Variants in HEATR3 observed in about 807,000 individuals in gnomAD.
HEATR3 encodes the protein HEAT repeat-containing protein 3.
HEATR3 carries 56 observed loss-of-function variants against 72.8 expected under a neutral mutation model. The ratio of observed to expected loss-of-function variants is 0.77; its 90% CI spans 0.62 to 0.96. The LOEUF is 0.96. HEATR3 is among the 40% of genes least tolerant of loss of function. HEATR3 has a pLI of 0.00. For synonymous variants in HEATR3, 331 were observed against 318.1 expected (o/e 1.04, Z -0.43); for missense variants, 747 against 831.4 (o/e 0.90, Z 1.25).
At chr16:50,084,113 C>G in intron 8 of HEATR3, 21 bp from the exon 9 acceptor site, 1 of 1,614,036 alleles carries the variant, frequency 6.2e-7, no homozygotes, top group Non-Finnish European at 8.5e-7. Context: ...TCCAGTTCTG[C>G]GTGGTTTGCC....
chr16:50,095,347 T>C (rs891993002), intron 12 of HEATR3, among the ~76,000 whole-genome samples: 4 of 151,522 alleles, frequency 2.6e-5, no homozygotes, highest in African/African-American at 9.7e-5. Context: ...CCTCAAGTGA[T>C]CCACCCACCT....
rs1200681465 is a variant in HEATR3 at position 50,092,429 on chromosome 16, C to CTTTTTTCT, written c.1511-2269_1511-2262dup. On this transcript the variant is annotated intron_variant, in intron 11 of 14. Coordinates refer to ENST00000299192, the MANE Select transcript of HEATR3 (RefSeq NM_182922.4). ...TCTTCCAGGTCATTCTTTTTTTTTT[C>CTTTTTTCT]TTTTTTCTTTTTTTTTTTTTTTTCC... Among the ~76,000 whole-genome samples, 176 of 29,798 alleles carry CTTTTTTCT rather than the reference C, an allele frequency of 5.9e-3. 5 individuals are homozygous for CTTTTTTCT. Among genetic ancestry groups the CTTTTTTCT allele is most frequent in the African/African-American group, 0.014 (169 of 12,202 alleles). The allele number at this position is 29,798 out of a possible 152,430, so 19.5% of individuals were successfully genotyped here.
At position 50,066,189 on chromosome 16, in the gene HEATR3, T is replaced by A; in HGVS notation, c.58T>A (p.Cys20Ser). ...ACCTCAGTTCTCCCCTACGGGCGACTGTCAGGCCGAGGCGGCTGCGGCGGC... is the reference window on the plus strand; with the variant it reads ...ACCTCAGTTCTCCCCTACGGGCGACAGTCAGGCCGAGGCGGCTGCGGCGGC... ...KRPQFSPTGD[C>S]QAEAAAAANG... The change falls in exon 1 of 15, where the codon TGT becomes AGT. Residue 20 changes from cysteine (C) to serine (S), a missense_variant. Transcript: ENST00000299192. The A allele has an allele frequency of 6.3e-7, 1 of 1,590,964 alleles. No individual in the cohort carries two copies. Among genetic ancestry groups the A allele is most frequent in the Non-Finnish European group, 8.5e-7 (1 of 1,170,214 alleles).
intron 6 of HEATR3, among the ~76,000 whole-genome samples, chr16:50,078,102 C>A (rs2036780542): frequency 6.6e-6 from 1 of 152,040 alleles, no homozygotes; most frequent in African/African-American, 2.4e-5. Context: ...GTCTCGAACT[C>A]CTGACCTCGA....
At chr16:50,097,471 C>CT (rs1262978954) in intron 12 of HEATR3, among the ~76,000 whole-genome samples, 1 of 149,464 alleles carries the variant, frequency 6.7e-6, no homozygotes, top group Non-Finnish European at 1.5e-5. Flanking sequence ...TATAGTCATG[C>CT]TTTTTGCTGC....
At position 50,094,755 on chromosome 16, in the gene HEATR3, G is replaced by A. The variant is rs1199261858; in HGVS notation, c.1561G>A (p.Ala521Thr). The A allele has an allele frequency of 6.3e-7, 1 of 1,594,728 alleles. No individual in the cohort carries two copies. Among genetic ancestry groups the A allele is most frequent in the Non-Finnish European group, 8.5e-7 (1 of 1,172,112 alleles). Reference protein sequence around the residue: ...FLEAISSALRALLQTMASKNI... With the variant: ...FLEAISSALRTLLQTMASKNI... Reference sequence around the variant, plus strand: ...AGAAGCCATAAGTAGTGCTTTGAGGGCCCTTTTGCAAACAATGGCCTCCAA... The same window carrying A: ...AGAAGCCATAAGTAGTGCTTTGAGGACCCTTTTGCAAACAATGGCCTCCAA... Residue 521 changes from alanine to threonine, a missense_variant, in exon 12 of 15, where the codon GCC becomes ACC. Coordinates refer to ENST00000299192, the MANE Select transcript of HEATR3 (RefSeq NM_182922.4).
Position 50,106,660 on chromosome 16 carries a change from G to A in HEATR3, c.*1599G>A, listed in dbSNP as rs1474452427. The A allele has an allele frequency of 6.6e-6, 1 of 152,128 alleles. No homozygotes were observed. The highest frequency in any genetic ancestry group is 1.5e-5 in the Non-Finnish European group (1 of 68,034). The allele number at this position is 152,128 out of a possible 1,614,324, so 9.4% of individuals were successfully genotyped here. A position where few individuals can be genotyped will look rare whatever the true frequency, so the allele number is the denominator to read the frequency against. ...CATTGTCCATCCGTTTGCCTGATGA[G>A]AAGGGAAATTTGAAAATTTCTGTAC... On this transcript the variant is annotated 3_prime_UTR_variant, in exon 15 of 15. Coordinates refer to ENST00000299192, the MANE Select transcript of HEATR3 (RefSeq NM_182922.4).
intron 10 of HEATR3, among the ~76,000 whole-genome samples, chr16:50,085,108 A>T (rs1047105340): frequency 6.9e-6 from 1 of 145,682 alleles, no homozygotes; most frequent in Non-Finnish European, 1.5e-5. Flanking sequence ...TAAACCTATT[A>T]AAAAAAAAAA....
chr16:50,101,579 G>A (rs1437035223), intron 13 of HEATR3, among the ~76,000 whole-genome samples: 10 of 152,050 alleles, frequency 6.6e-5, no homozygotes, highest in East Asian at 3.9e-4. Flanking sequence ...GTTCCTCCCC[G>A]GCACCACGTG....
chr16:50,101,106 C>CTTTTTT (rs5816674), intron 13 of HEATR3, among the ~76,000 whole-genome samples: 6 of 144,334 alleles, frequency 4.2e-5, no homozygotes, highest in African/African-American at 5.1e-5. Context: ...ACTTGCAAAG[C>CTTTTTT]TTTTTTTTTT....
At chr16:50,094,960 C>G (rs1486748482) in intron 12 of HEATR3, among the ~76,000 whole-genome samples, 167 bp downstream of exon 12, 2 of 152,048 alleles carry the variant, frequency 1.3e-5, no homozygotes, top group Non-Finnish European at 2.9e-5. Flanking sequence ...TAATATCTTT[C>G]TGCTCCCTAC....
Position 50,066,425 on chromosome 16 carries a change from T to G in HEATR3, c.197T>G (p.Val66Gly). 2 of 1,481,460 alleles carry G rather than the reference T, an allele frequency of 1.4e-6. No homozygotes were observed. Among genetic ancestry groups the G allele is most frequent in the Non-Finnish European group, 1.8e-6 (2 of 1,129,698 alleles). The allele number at this position is 1,481,460 out of a possible 1,614,324, so 91.8% of individuals were successfully genotyped here. ...ECACAGLARLVQQRPALPGLA... is the reference protein window; with the variant it reads ...ECACAGLARLGQQRPALPGLA... Reference sequence around the variant, plus strand: ...GCCTGCGCAGGGCTGGCCCGGCTGGTGCAGCAGCGGCCGGCACTCCCGGGC... The same window carrying G: ...GCCTGCGCAGGGCTGGCCCGGCTGGGGCAGCAGCGGCCGGCACTCCCGGGC... The change falls in exon 2 of 15, where the codon GTG becomes GGG. Residue 66 changes from valine to glycine, a missense_variant. Val to Gly is a moderately radical substitution (Grantham distance 109, BLOSUM62 -3). This residue lies in a region of HEATR3 where 161 missense variants were observed against 122.6 expected (regional missense o/e 1.31). Coordinates refer to ENST00000299192, the MANE Select transcript of HEATR3 (RefSeq NM_182922.4).
chr16:50,080,856 G>A (rs1431124471), intron 7 of HEATR3, among the ~76,000 whole-genome samples: 1 of 152,090 alleles, frequency 6.6e-6, no homozygotes, highest in African/African-American at 2.4e-5. Flanking sequence ...ATCCTACTCA[G>A]GTTTCTGTTG....
At chr16:50,085,479 C>G (rs941336011) in intron 10 of HEATR3, among the ~76,000 whole-genome samples, 1 of 150,556 alleles carries the variant, frequency 6.6e-6, no homozygotes, top group Non-Finnish European at 1.5e-5. Flanking sequence ...AAAAAAAATA[C>G]AAAAATTAGC....
intron 11 of HEATR3, among the ~76,000 whole-genome samples, chr16:50,091,687 T>C (rs1308278026): frequency 1.3e-5 from 2 of 151,610 alleles, no homozygotes. Flanking sequence ...CTGGCTAACA[T>C]GGTGAAACCC....
At chr16:50,095,322 G>T (rs749835636) in intron 12 of HEATR3, among the ~76,000 whole-genome samples, 7 of 151,254 alleles carry the variant, frequency 4.6e-5, no homozygotes, top group Admixed American at 2.0e-4. Flanking sequence ...GGCCAGGCTG[G>T]TCTTAAATGC....
chr16:50,084,716 A>C, intron 10 of HEATR3, 65 bp downstream of exon 10: 1 of 1,263,666 alleles, frequency 7.9e-7, no homozygotes, highest in Non-Finnish European at 1.1e-6. Context: ...ATGGGCTATT[A>C]AATAGAAGGT....
In HEATR3 at chr16:50,084,132, A is replaced by G. The variant is rs778231855; in HGVS notation, c.1133-2A>G. ...GTTCTGCGTGGTTTGCCCGCTTCCC[A>G]GATCCCTCTGATGACGAATGGGAAG... On this transcript the variant is annotated splice_acceptor_variant, in intron 8 of 14. Transcript: ENST00000299192. LOFTEE classifies it high-confidence loss of function. 6.2e-7 allele frequency: 1 copy of G among 1,614,184 alleles called. No individual in the cohort carries two copies. Among genetic ancestry groups the G allele is most frequent in the South Asian group, 1.1e-5 (1 of 91,084 alleles).
chr16:50,066,170 G>C lies in HEATR3; in HGVS notation c.39G>C (p.Gln13His). 6.3e-7 allele frequency: 1 copy of C among 1,596,984 alleles called. No homozygotes were observed. The highest frequency in any genetic ancestry group is 1.1e-5 in the South Asian group (1 of 88,276). The change falls in exon 1 of 15, where the codon CAG becomes CAC. Residue 13 changes from glutamine to histidine, a missense_variant. Gln to His is a conservative substitution (Grantham distance 24). Coordinates refer to ENST00000299192, the MANE Select transcript of HEATR3 (RefSeq NM_182922.4). ...GGACGAAGCGCTTCAAGCGACCTCAGTTCTCCCCTACGGGCGACTGTCAGG... is the reference window on the plus strand; with the variant it reads ...GGACGAAGCGCTTCAAGCGACCTCACTTCTCCCCTACGGGCGACTGTCAGG... ...KSRTKRFKRP[Q>H]FSPTGDCQAE...
Sources: gnomAD v4.1 joint callset for allele counts (sites outside exome capture counted in the v4.1 genomes callset) on GRCh38, gnomAD v4.1.1 for gene constraint, gnomAD v4.1.1 regional missense constraint, MANE v1.5 for transcripts, NCBI Gene and HGNC (gene_info 2026-07-23, HGNC 2026-07-21) for gene names.